PPA2: variants seen among roughly 807,000 people sequenced by gnomAD.
PPA2 encodes the protein inorganic pyrophosphatase 2, mitochondrial.
PPA2 carries 48 observed loss-of-function variants against 49.5 expected under a neutral mutation model. That is an observed-to-expected ratio of 0.97 (90% CI 0.77 to 1.23). The LOEUF (loss-of-function observed/expected upper bound fraction) is 1.23. PPA2 is among the 50% of genes most tolerant of loss of function. PPA2 has a pLI of 0.00. For missense variants in PPA2, 429 were observed against 410.1 expected (o/e 1.05, Z -0.40); for synonymous variants, 131 against 139.9 (o/e 0.94, Z 0.45).
chr4:105,421,996 T>C lies in PPA2; in HGVS notation c.655+2200A>G, dbSNP rs192539749. 2.6e-5 allele frequency among the ~76,000 whole-genome samples: 4 copies of C among 152,140 alleles called. No individual in the cohort carries two copies. The East Asian group carries it at 5.8e-4, about 22-fold the overall frequency. On this transcript the variant is annotated intron_variant, in intron 7 of 11. Transcript: ENST00000341695. ...AGGCGGTGGTTGCAGTGAGCTGAGATTGTGCCACTGCACTCCATCATGGAA... is the reference window on the plus strand; with the variant it reads ...AGGCGGTGGTTGCAGTGAGCTGAGACTGTGCCACTGCACTCCATCATGGAA...
rs1385437581 is a variant in PPA2, at chr4:105,369,784, G to T, written c.977-31C>A. 1.9e-6 allele frequency: 3 copies of T among 1,555,848 alleles called. No homozygotes were observed. The Admixed American group carries it at 5.0e-5, about 26-fold the overall frequency. ...TTTAAAATGGGGAAAGAGGGTATTA[G>T]GGAAGGGATAAGAGGAGGGAGAAGG... On this transcript the variant is annotated intron_variant, in intron 11 of 11. Coordinates refer to ENST00000341695, the MANE Select transcript of PPA2 (RefSeq NM_176869.3).
chr4:105,415,167 A>C (rs1722948967), intron 7 of PPA2, among the ~76,000 whole-genome samples: 1 of 152,214 alleles, frequency 6.6e-6, no homozygotes, highest in Non-Finnish European at 1.5e-5. Flanking sequence ...CCCAGAACAG[A>C]CAGCCTGGTC....
chr4:105,473,996 G>A lies in PPA2; in HGVS notation c.55C>T (p.Arg19Trp), dbSNP rs1289763111. The A allele has an allele frequency of 6.2e-7, 1 of 1,606,816 alleles. No homozygotes were observed. The highest frequency in any genetic ancestry group is 1.3e-5 in the African/African-American group (1 of 74,734). Reference protein sequence around the residue: ...RTGAPAAACLRLGTSAGTGSR... With the variant: ...RTGAPAAACLWLGTSAGTGSR... The stretch of plus-strand genomic sequence containing the variant: ...CCGGTCCCTGCACTGGTCCCCAACC[G>A]CAGGCACGCAGCGGCTGGGGCACCC... The change falls in exon 1 of 12, where the codon CGG (arginine) becomes TGG (tryptophan). Residue 19 changes from arginine to tryptophan, a missense_variant. Transcript: ENST00000341695.
At chr4:105,415,534 G>C (rs1422080419) in intron 7 of PPA2, among the ~76,000 whole-genome samples, 1 of 152,224 alleles carries the variant, frequency 6.6e-6, no homozygotes, top group Non-Finnish European at 1.5e-5. Flanking sequence ...AGGCACTTCC[G>C]AGCCTGCAGA....
At chr4:105,430,671 C>T (rs956090457) in intron 6 of PPA2, among the ~76,000 whole-genome samples, 1 of 152,040 alleles carries the variant, frequency 6.6e-6, no homozygotes, top group South Asian at 2.1e-4. Context: ...AAGATAGAGG[C>T]TAACAAATCA....
In PPA2 at chr4:105,474,016, G is replaced by C; in HGVS notation, c.35C>G (p.Ala12Gly). 2.5e-6 allele frequency: 4 copies of C among 1,600,540 alleles called. No homozygotes were observed. The highest frequency in any genetic ancestry group is 2.6e-6 in the Non-Finnish European group (3 of 1,174,138). Reference sequence around the variant, plus strand: ...CAACCGCAGGCACGCAGCGGCTGGGGCACCCGTGCGCAGCAGCCGCAGCAG... The same window carrying C: ...CAACCGCAGGCACGCAGCGGCTGGGCCACCCGTGCGCAGCAGCCGCAGCAG... ...SALLRLLRTG[A>G]PAAACLRLGT... Residue 12 changes from alanine (A) to glycine (G), a missense_variant, in exon 1 of 12, where the codon GCC (alanine) becomes GGC (glycine). Transcript: ENST00000341695.
At chr4:105,373,390 C>T (rs1733106097) in intron 10 of PPA2, among the ~76,000 whole-genome samples, 2 of 152,048 alleles carry the variant, frequency 1.3e-5, no homozygotes, top group African/African-American at 4.8e-5. Context: ...TATGAAATTG[C>T]TATATACTCC....
chr4:105,386,445 C>T (rs1299980840), intron 10 of PPA2, 122 bp downstream of exon 10: 1 of 725,946 alleles, frequency 1.4e-6, no homozygotes, highest in Non-Finnish European at 2.1e-6. Context: ...TCAAGGTGAT[C>T]TGTAAACTTT....
chr4:105,467,263 G>T (rs371605668), intron 1 of PPA2, among the ~76,000 whole-genome samples: 3 of 152,312 alleles, frequency 2.0e-5, no homozygotes. Flanking sequence ...GTTCAGCACA[G>T]ATCTGAATGA....
intron 4 of PPA2, among the ~76,000 whole-genome samples, chr4:105,447,585 G>A (rs919721070): frequency 5.9e-5 from 9 of 152,052 alleles, no homozygotes; most frequent in Non-Finnish European, 1.0e-4. Flanking sequence ...TTTAGCTTAA[G>A]TTATTCCATA....
chr4:105,389,015 TCCTTTTAGTCAATAA>T (rs1456284247), intron 9 of PPA2, among the ~76,000 whole-genome samples: 1 of 152,072 alleles, frequency 6.6e-6, no homozygotes. Flanking sequence ...CTCAATGATG[TCCTTTTAGTCAATAA>T]TATATGTAAT....
intron 6 of PPA2, among the ~76,000 whole-genome samples, chr4:105,425,718 GCACATA>G (rs1482132541): frequency 2.9e-5 from 3 of 105,224 alleles, no homozygotes; most frequent in East Asian, 2.9e-4. Context: ...AAGGACACAT[GCACATA>G]CACACACACA....
chr4:105,386,961 A>C (rs1223374362), intron 9 of PPA2, among the ~76,000 whole-genome samples: 1 of 152,218 alleles, frequency 6.6e-6, no homozygotes, highest in Non-Finnish European at 1.5e-5. Flanking sequence ...GAAAAGAGGA[A>C]GCAAATTTGA....
chr4:105,434,232 C>A (rs1403205312), intron 6 of PPA2, among the ~76,000 whole-genome samples: 1 of 152,092 alleles, frequency 6.6e-6, no homozygotes. Context: ...AATAAAAAGC[C>A]TTGAGAACAG....
At chr4:105,399,935 C>G (rs1734291414) in intron 7 of PPA2, among the ~76,000 whole-genome samples, 1 of 152,208 alleles carries the variant, frequency 6.6e-6, no homozygotes, top group Admixed American at 6.5e-5. Flanking sequence ...CTGTCCTGCT[C>G]CATCCTGTCC....
intron 6 of PPA2, among the ~76,000 whole-genome samples, chr4:105,428,494 G>C (rs1723633328): frequency 6.7e-6 from 1 of 149,450 alleles, no homozygotes; most frequent in Admixed American, 6.7e-5. Context: ...AAAATAAAGG[G>C]ATAGAGGAAG....
chr4:105,392,878 G>A lies in PPA2; in HGVS notation c.869+3371C>T, dbSNP rs561235619. On this transcript the variant is annotated intron_variant, in intron 9 of 11. Coordinates refer to ENST00000341695, the MANE Select transcript of PPA2 (RefSeq NM_176869.3). ...GTATTTAGTAACTGACAGATGTAATGACAAAAATCCACAGAAGACAAGGAA... is the reference window on the plus strand; with the variant it reads ...GTATTTAGTAACTGACAGATGTAATAACAAAAATCCACAGAAGACAAGGAA... Among the ~76,000 whole-genome samples, 9 of 152,196 alleles carry A rather than the reference G, an allele frequency of 5.9e-5. No individual in the cohort carries two copies. In the East Asian group the frequency reaches 1.7e-3, roughly 29 times the overall value.
intron 6 of PPA2, among the ~76,000 whole-genome samples, chr4:105,427,525 A>C (rs944853326): frequency 6.6e-6 from 1 of 152,144 alleles, no homozygotes; most frequent in Non-Finnish European, 1.5e-5. Flanking sequence ...GGAGCTGAAA[A>C]CCACAGCACG....
chr4:105,473,217 A>AG (rs1723599102), intron 1 of PPA2: 1 of 165,974 alleles, frequency 6.0e-6, no homozygotes, highest in South Asian at 1.3e-4. Flanking sequence ...TCGGCAACTC[A>AG]GGGACCCCCC....
Sources: allele counts gnomAD v4.1 joint callset (sites outside exome capture counted in the v4.1 genomes callset), GRCh38; gene constraint gnomAD v4.1.1; transcripts MANE v1.5; gene names NCBI Gene and HGNC (gene_info 2026-07-23, HGNC 2026-07-21).